Variants in NDST4 observed in about 807,000 individuals in gnomAD.
NDST4 encodes the protein N-deacetylase and N-sulfotransferase 4, also known as N-heparan sulfate sulfotransferase 4.
Under a neutral mutation model 100.8 loss-of-function variants are expected in NDST4, and 63 were observed. The observed-to-expected ratio is 0.62, with a 90% CI of 0.51 to 0.77. The LOEUF is 0.77. Among genes scored for constraint, NDST4 ranks in the 30% least tolerant of loss-of-function variants. The probability of loss-of-function intolerance (pLI) is 0.00; values close to 1 mark genes in which losing one functional copy is unlikely to be tolerated. For synonymous variants in NDST4, 377 were observed against 361.8 expected, an observed-to-expected ratio of 1.04 and a Z score of -0.48; for missense variants, 943 against 1,018.4, an observed-to-expected ratio of 0.93 and a Z score of 1.01.
chr4:115,109,276 GTA>G (rs1360934999), intron 1 of NDST4, among the ~76,000 whole-genome samples: 1 of 151,826 alleles, frequency 6.6e-6, no homozygotes, highest in African/African-American at 2.4e-5. Context: ...CAACTTCTGT[GTA>G]GTTATAGTTG....
chr4:115,079,777 T>C (rs944057849), intron 1 of NDST4, among the ~76,000 whole-genome samples: 11 of 152,166 alleles, frequency 7.2e-5, no homozygotes, highest in African/African-American at 2.7e-4. Flanking sequence ...CTGAAAACTT[T>C]TTAGATTACA....
At chr4:114,957,147 T>C (rs1052765513) in intron 4 of NDST4, among the ~76,000 whole-genome samples, 1 of 152,200 alleles carries the variant, frequency 6.6e-6, no homozygotes, top group Non-Finnish European at 1.5e-5. Flanking sequence ...AGTGCAATTA[T>C]TGAAATAAAA....
At chr4:115,013,244 CA>C (rs1351045222) in intron 2 of NDST4, among the ~76,000 whole-genome samples, 1 of 149,414 alleles carries the variant, frequency 6.7e-6, no homozygotes, top group Non-Finnish European at 1.5e-5. Context: ...AAATGATTTA[CA>C]AATGCTTGAG....
chr4:114,967,767 C>T (rs1021001224), intron 4 of NDST4, among the ~76,000 whole-genome samples: 1 of 151,964 alleles, frequency 6.6e-6, no homozygotes, highest in African/African-American at 2.4e-5. Flanking sequence ...AAAATGACCC[C>T]TTGTAAATCC....
intron 7 of NDST4, among the ~76,000 whole-genome samples, chr4:114,864,088 A>C (rs933605012): frequency 4.6e-5 from 7 of 152,086 alleles, no homozygotes; most frequent in Non-Finnish European, 8.8e-5. Context: ...TTGCTACTAA[A>C]ATTTTGCTTT....
At chr4:114,891,389 A>G (rs1724593175) in intron 6 of NDST4, among the ~76,000 whole-genome samples, 1 of 152,076 alleles carries the variant, frequency 6.6e-6, no homozygotes, top group East Asian at 1.9e-4. Flanking sequence ...CTGACTGAAT[A>G]TCTTTAGATC....
intron 6 of NDST4, among the ~76,000 whole-genome samples, chr4:114,909,255 A>G (rs1028730322): frequency 6.6e-6 from 1 of 152,352 alleles, no homozygotes; most frequent in African/African-American, 2.4e-5. Flanking sequence ...GACGATGATG[A>G]TAGATAAAGC....
chr4:115,007,598 T>G, intron 2 of NDST4, among the ~76,000 whole-genome samples: 1 of 67,294 alleles, frequency 1.5e-5, no homozygotes, highest in South Asian at 7.4e-4. Flanking sequence ...GCTGGAATGA[T>G]GATACAACCA....
intron 4 of NDST4, among the ~76,000 whole-genome samples, chr4:114,968,896 T>C (rs898507040): frequency 6.6e-5 from 10 of 152,060 alleles, no homozygotes; most frequent in Non-Finnish European, 1.0e-4. Flanking sequence ...GTTTCTGAAA[T>C]GCAAATTGTC....
intron 7 of NDST4, 57 bp from the exon 8 acceptor site, chr4:114,852,878 C>T: frequency 3.2e-6 from 4 of 1,230,876 alleles, no homozygotes; most frequent in Non-Finnish European, 4.6e-6. Context: ...GCTCTGTTCT[C>T]TAAAAATTGT....
intron 2 of NDST4, among the ~76,000 whole-genome samples, chr4:114,985,534 G>A (rs1726881054): frequency 6.6e-6 from 1 of 152,052 alleles, no homozygotes; most frequent in South Asian, 2.1e-4. Context: ...TATTAATCCT[G>A]TCTTACAAGT....
In NDST4 at chr4:114,986,831, TA is replaced by T. The variant is rs1337183647; in HGVS notation, c.979-9558del. 7.4e-4 allele frequency among the ~76,000 whole-genome samples: 85 copies of T among 115,512 alleles called. 4 individuals carry two copies. The highest frequency in any genetic ancestry group is 2.2e-3 in the South Asian group (8 of 3,652). The allele number at this position is 115,512 out of a possible 152,430, so 75.8% of individuals were successfully genotyped here. On this transcript the variant is annotated intron_variant, in intron 2 of 13. Coordinates refer to ENST00000264363, the MANE Select transcript of NDST4 (RefSeq NM_022569.3). ...ATATATATATATATATATATATATA[TA>T]TTTTAATATACTATTCCTATAAGCT...
At chr4:114,912,363 C>T (rs768985791) in intron 6 of NDST4, among the ~76,000 whole-genome samples, 1 of 152,112 alleles carries the variant, frequency 6.6e-6, no homozygotes, top group Non-Finnish European at 1.5e-5. Context: ...TACTCAAATC[C>T]TCAAGTGGGT....
At chr4:115,089,612 T>C (rs1893120) in intron 1 of NDST4, among the ~76,000 whole-genome samples, 60,570 of 151,598 alleles carry the variant, frequency 0.4, 12,989 homozygotes, top group Non-Finnish European at 0.5. Flanking sequence ...TTCAATAGCC[T>C]AATCTATATA....
chr4:114,869,739 G>A (rs1724107575), intron 7 of NDST4, among the ~76,000 whole-genome samples: 1 of 152,122 alleles, frequency 6.6e-6, no homozygotes, highest in South Asian at 2.1e-4. Context: ...TGAAATGTAT[G>A]TTAGTGAATA....
At chr4:114,862,353 G>T (rs1184317812) in intron 7 of NDST4, among the ~76,000 whole-genome samples, 1 of 151,956 alleles carries the variant, frequency 6.6e-6, no homozygotes, top group East Asian at 1.9e-4. Flanking sequence ...TATTTATAAA[G>T]AACTTCATTT....
chr4:114,950,999 A>T, intron 4 of NDST4, among the ~76,000 whole-genome samples: 1 of 151,970 alleles, frequency 6.6e-6, no homozygotes, highest in East Asian at 1.9e-4. Context: ...ATGCATATTC[A>T]TCGTCTGTTG....
At chr4:115,037,554 ATATG>A (rs1339523591) in intron 2 of NDST4, among the ~76,000 whole-genome samples, 7 of 152,108 alleles carry the variant, frequency 4.6e-5, no homozygotes, top group Non-Finnish European at 2.9e-5. Context: ...ATGTATGTAA[ATATG>A]TATGTATCTA....
chr4:114,838,459 A>T (rs1446957841), intron 11 of NDST4, among the ~76,000 whole-genome samples: 8 of 152,218 alleles, frequency 5.3e-5, no homozygotes, highest in African/African-American at 1.9e-4. Flanking sequence ...AAAATATGGC[A>T]CATATACACC....
Sources: gnomAD v4.1 joint callset for allele counts (sites outside exome capture counted in the v4.1 genomes callset) on GRCh38, gnomAD v4.1.1 for gene constraint, MANE v1.5 for transcripts, NCBI Gene and HGNC (gene_info 2026-07-23, HGNC 2026-07-21) for gene names.